The following POSTN variants were observed in gnomAD, a reference collection of about 807,000 sequenced individuals.
The protein encoded by POSTN is osteoblast specific factor 2 (fasciclin I-like).
Under a neutral mutation model 104.5 loss-of-function variants are expected in POSTN, and 71 were observed. The observed-to-expected ratio is 0.68, with a 90% CI of 0.56 to 0.83. The LOEUF (loss-of-function observed/expected upper bound fraction) is 0.83, where lower values mean the gene tolerates loss of function less well. Among genes scored for constraint, POSTN ranks in the 40% least tolerant of loss-of-function variants. The pLI, the probability that POSTN is intolerant of heterozygous loss-of-function variation, is 0.00. For missense variants in POSTN, 949 were observed against 1,006.8 expected (o/e 0.94, Z 0.78); for synonymous variants, 355 against 340.7 (o/e 1.04, Z -0.46).
chr13:37,574,023 T>G (rs1950331314), intron 17 of POSTN, among the ~76,000 whole-genome samples: 1 of 151,716 alleles, frequency 6.6e-6, no homozygotes, highest in Non-Finnish European at 1.5e-5. Context: ...TAAAAATCAA[T>G]TCACTGCATA....
intron 4 of POSTN, 39 bp downstream of exon 4, chr13:37,590,333 C>A: frequency 1.4e-6 from 2 of 1,443,966 alleles, no homozygotes; most frequent in East Asian, 2.5e-5. Flanking sequence ...ATAACAATAA[C>A]AGCAAAAAAT....
chr13:37,584,235 T>C (rs1950682280), intron 8 of POSTN, 132 bp from the exon 9 acceptor site: 1 of 1,084,928 alleles, frequency 9.2e-7, no homozygotes, highest in Non-Finnish European at 1.3e-6. Flanking sequence ...TGATAAGACA[T>C]CCTCCTCCTC....
In POSTN at chr13:37,579,904, A is replaced by G. The variant is rs1326332838; in HGVS notation, c.1617T>C (p.Asp539=). 1.1e-5 allele frequency: 18 copies of G among 1,613,682 alleles called. No individual in the cohort carries two copies. The highest frequency in any genetic ancestry group is 1.4e-5 in the Non-Finnish European group (17 of 1,179,764). ...GDWTLFVPTN[D]AFKGMTSEEK... ...CTTCACTAGTCATTCCCTTAAAAGC[A>G]TCATTGGTTGGCACAAATAATGTCC... Residue 539 remains aspartate (D), a synonymous_variant, in exon 12 of 23, where the codon GAT becomes GAC. Transcript: ENST00000379747.
At chr13:37,580,800 G>A (rs1950562102) in intron 10 of POSTN, 103 bp from the exon 11 acceptor site, 2 of 1,436,738 alleles carry the variant, frequency 1.4e-6, no homozygotes, top group Admixed American at 3.9e-5. Context: ...CTTCTGAGAG[G>A]TTGCCTGGTG....
intron 2 of POSTN, among the ~76,000 whole-genome samples, chr13:37,596,312 G>A (rs970069942): frequency 3.9e-5 from 6 of 152,012 alleles, no homozygotes; most frequent in Non-Finnish European, 7.4e-5. Flanking sequence ...TCTTGACTGG[G>A]GATGACACCT....
chr13:37,563,297 G>A lies in POSTN; in HGVS notation c.*36C>T, dbSNP rs757298564. On this transcript the variant is annotated 3_prime_UTR_variant, in exon 23 of 23. Transcript: ENST00000379747. ...TTTCTAAGGTCAGGTTATTGACTTAGGGTTGTATAAACATTTTTTTCTGGT... is the reference window on the plus strand; with the variant it reads ...TTTCTAAGGTCAGGTTATTGACTTAAGGTTGTATAAACATTTTTTTCTGGT... The A allele has an allele frequency of 1.3e-6, 2 of 1,504,460 alleles. No homozygotes were observed. Among genetic ancestry groups the A allele is most frequent in the Admixed American group, 1.7e-5 (1 of 58,152 alleles). The allele number at this position is 1,504,460 out of a possible 1,614,324, so 93.2% of individuals were successfully genotyped here. A position where few individuals can be genotyped will look rare whatever the true frequency, so the allele number is the denominator to read the frequency against.
Position 37,592,448 on chromosome 13 carries a change from A to G in POSTN, c.219-284T>C, listed in dbSNP as rs548936354. ...CGAGTAGCTGGGACTACAGGCGCCTACCACCACGCCTGGCTAATTTTTTGT... is the reference window on the plus strand; with the variant it reads ...CGAGTAGCTGGGACTACAGGCGCCTGCCACCACGCCTGGCTAATTTTTTGT... On this transcript the variant is annotated intron_variant, in intron 2 of 22. Coordinates refer to ENST00000379747, the MANE Select transcript of POSTN (RefSeq NM_006475.3). Among the ~76,000 whole-genome samples the G allele has an allele frequency of 8.3e-4, 126 of 152,122 alleles. 1 individual carries two copies. The highest frequency in any genetic ancestry group is 1.2e-3 in the South Asian group (6 of 4,824).
chr13:37,584,698 A>C lies in POSTN; in HGVS notation c.1108+18T>G, dbSNP rs187190021. ...AGTAAGTAAAAAAACAAAAACAAAA[A>C]CAAAAAAAGTTGCTTACCAGAATCA... is the stretch of plus-strand genomic sequence containing the variant. On this transcript the variant is annotated intron_variant, in intron 8 of 22. Coordinates refer to ENST00000379747, the MANE Select transcript of POSTN (RefSeq NM_006475.3). The C allele has an allele frequency of 1.2e-3, 1,937 of 1,599,316 alleles. 24 individuals carry two copies. In the Admixed American group the frequency reaches 0.028, roughly 23 times the overall value.
chr13:37,586,353 A>G (rs1036529770), intron 6 of POSTN, 73 bp from the exon 7 acceptor site: 3 of 1,481,012 alleles, frequency 2.0e-6, no homozygotes, highest in Non-Finnish European at 1.8e-6. Flanking sequence ...CACTTAGCCT[A>G]GGCTGACATG....
At chr13:37,596,828 G>A (rs1216868264) in intron 2 of POSTN, among the ~76,000 whole-genome samples, 1 of 152,096 alleles carries the variant, frequency 6.6e-6, no homozygotes, top group African/African-American at 2.4e-5. Context: ...TATAAAATGA[G>A]GAAACTAAGT....
chr13:37,592,583 C>G (rs1238097558), intron 2 of POSTN, among the ~76,000 whole-genome samples: 1 of 152,184 alleles, frequency 6.6e-6, no homozygotes, highest in Non-Finnish European at 1.5e-5. Context: ...CAGGCATGAG[C>G]CACTGCGCCC....
intron 22 of POSTN, 39 bp downstream of exon 22, chr13:37,564,480 G>A (rs1205091230): frequency 1.7e-6 from 2 of 1,161,324 alleles, no homozygotes; most frequent in Middle Eastern, 2.0e-4. Flanking sequence ...TGTAACAAAA[G>A]AGGCCATATA....
chr13:37,576,233 G>T (rs1234069025), intron 16 of POSTN, among the ~76,000 whole-genome samples: 1 of 152,000 alleles, frequency 6.6e-6, no homozygotes, highest in Non-Finnish European at 1.5e-5. Flanking sequence ...AAAAATTATA[G>T]GAATTTTAGA....
chr13:37,593,630 G>A (rs1394328081), intron 2 of POSTN, among the ~76,000 whole-genome samples: 2 of 151,214 alleles, frequency 1.3e-5, no homozygotes, highest in Admixed American at 6.6e-5. Flanking sequence ...TTCTTTTCTG[G>A]CTTTTTATCC....
rs190896666 is a variant in POSTN at position 37,583,465 on chromosome 13, G to A, written c.1243+504C>T. Among the ~76,000 whole-genome samples the A allele has an allele frequency of 5.6e-3, 706 of 125,434 alleles. 5 individuals are homozygous for A. The highest frequency in any genetic ancestry group is 0.02 in the African/African-American group (667 of 33,002). 82.3% of individuals were successfully genotyped at this position (125,434 alleles called of 152,430 possible). On this transcript the variant is annotated intron_variant, in intron 9 of 22. Coordinates refer to ENST00000379747, the MANE Select transcript of POSTN (RefSeq NM_006475.3). ...TTCGTTTTTTTTTTTTTTTTGAGAC[G>A]GAGTCTCACTCTGTCGCCCAGGCTA...
intron 17 of POSTN, among the ~76,000 whole-genome samples, chr13:37,572,238 C>A (rs974703324): frequency 6.6e-6 from 1 of 151,546 alleles, no homozygotes; most frequent in African/African-American, 2.4e-5. Flanking sequence ...ACTGTAATAG[C>A]CTTCAATAGT....
At chr13:37,571,529 T>A in intron 17 of POSTN, 71 bp from the exon 18 acceptor site, 2 of 1,149,158 alleles carry the variant, frequency 1.7e-6, no homozygotes, top group South Asian at 2.8e-5. Flanking sequence ...ATAGGACATT[T>A]ATTTCAACAT....
At chr13:37,579,442 A>T (rs967905942) in intron 12 of POSTN, 83 bp from the exon 13 acceptor site, 1 of 1,119,044 alleles carries the variant, frequency 8.9e-7, no homozygotes. Flanking sequence ...ATTAGTCTTT[A>T]TCTTTTTCCA....
chr13:37,582,281 CAT>C, intron 10 of POSTN, 83 bp downstream of exon 10: 1 of 1,431,130 alleles, frequency 7.0e-7, no homozygotes, highest in Non-Finnish European at 9.4e-7. Flanking sequence ...GAACCACACT[CAT>C]AAAATTCTGT....
Sources: gnomAD v4.1 joint callset for allele counts (sites outside exome capture counted in the v4.1 genomes callset) on GRCh38, gnomAD v4.1.1 for gene constraint, MANE v1.5 for transcripts, NCBI Gene and HGNC (gene_info 2026-07-23, HGNC 2026-07-21) for gene names.